Variants in MEF2D observed in about 807,000 individuals in gnomAD.
MEF2D encodes the protein myocyte-specific enhancer factor 2D.
MEF2D carries 10 observed loss-of-function variants against 59.3 expected under a neutral mutation model. The ratio of observed to expected loss-of-function variants is 0.17; its 90% confidence interval spans 0.10 to 0.29. The LOEUF is 0.29. Among genes scored for constraint, MEF2D ranks in the 10% least tolerant of loss-of-function variants. MEF2D has a pLI of 1.00. For synonymous variants in MEF2D, 305 were observed against 295.0 expected (o/e 1.03, Z -0.35); for missense variants, 508 against 699.4 (o/e 0.73, Z 3.09).
At chr1:156,472,809 A>C (rs1671317763) in intron 9 of MEF2D, among the ~76,000 whole-genome samples, 1 of 151,842 alleles carries the variant, frequency 6.6e-6, no homozygotes, top group South Asian at 2.1e-4. Context: ...TCCCAAGTTC[A>C]AGTGATTCTC....
intron 9 of MEF2D, among the ~76,000 whole-genome samples, chr1:156,472,709 C>T (rs1363985959): frequency 6.6e-6 from 1 of 150,812 alleles, no homozygotes; most frequent in Non-Finnish European, 1.5e-5. Flanking sequence ...CCACCACGCC[C>T]GGCTAATTTT....
At chr1:156,493,986 G>A (rs1341132382) in intron 1 of MEF2D, among the ~76,000 whole-genome samples, 5 of 152,162 alleles carry the variant, frequency 3.3e-5, no homozygotes, top group African/African-American at 4.8e-5. Flanking sequence ...CCTGCATAAG[G>A]AGACTCAGCA....
In MEF2D at chr1:156,479,662, C is replaced by A. The variant is rs1282422081; in HGVS notation, c.531G>T (p.Arg177=). The A allele has an allele frequency of 4.5e-6, 7 of 1,551,884 alleles. No homozygotes were observed. The Admixed American group carries it at 9.8e-5, about 22-fold the overall frequency. The change falls in exon 5 of 12, where the codon CGG becomes CGT. Residue 177 remains arginine (R), a synonymous_variant. Transcript: ENST00000348159. ...SLVTSSLTDP[R]LLSPQQPALQ... ...GTGCTGGCTGCTGGGGGGACAGGAG[C>A]CGCGGGTCCGTGAGGGATGATGTCA... is the stretch of plus-strand genomic sequence containing the variant.
intron 2 of MEF2D, 34 bp from the exon 3 acceptor site, chr1:156,482,674 G>A: frequency 6.2e-7 from 1 of 1,605,178 alleles, no homozygotes; most frequent in Non-Finnish European, 8.5e-7. Context: ...GCCAGATCTG[G>A]CTCAGTTAAG....
chr1:156,477,163 A>T lies in MEF2D; in HGVS notation c.704T>A (p.Leu235His). The part of the protein sequence containing the change: ...YVSARASPGL[L>H]PVANGNSLNK... The stretch of plus-strand genomic sequence containing the variant: ...TAGGCTGTTGCCATTGGCCACAGGG[A>T]GGAGGCCAGGGGAAGCCCGAGCACT... The change falls in exon 7 of 12, where the codon CTC (leucine) becomes CAC (histidine). Residue 235 changes from leucine to histidine, a missense_variant. Physicochemically the swap from Leu to His is moderately conservative, Grantham distance 99 (BLOSUM62 -3). This residue lies in a region of MEF2D where 481 missense variants were observed against 584.7 expected (regional missense o/e 0.82). Coordinates refer to ENST00000348159, the MANE Select transcript of MEF2D (RefSeq NM_005920.4). 6.2e-7 allele frequency: 1 copy of T among 1,613,106 alleles called. No individual in the cohort carries two copies. Among genetic ancestry groups the T allele is most frequent in the Non-Finnish European group, 8.5e-7 (1 of 1,179,382 alleles).
chr1:156,477,389 C>T (rs1158982357), intron 6 of MEF2D, among the ~76,000 whole-genome samples, 187 bp from the exon 7 acceptor site: 1 of 152,082 alleles, frequency 6.6e-6, no homozygotes, highest in Non-Finnish European at 1.5e-5. Context: ...GAGGCAAGTA[C>T]CCCTTACTCC....
At chr1:156,474,972 T>C in intron 9 of MEF2D, 136 bp downstream of exon 9, 1 of 1,253,284 alleles carries the variant, frequency 8.0e-7, no homozygotes, top group Admixed American at 2.4e-5. Context: ...CTGTTAACCA[T>C]AAGTAGGTGG....
chr1:156,497,202 C>T (rs907628728), intron 1 of MEF2D, among the ~76,000 whole-genome samples: 13 of 152,240 alleles, frequency 8.5e-5, no homozygotes, highest in Non-Finnish European at 1.3e-4. Context: ...AGTACCTAAC[C>T]GCCCCTCCCT....
At position 156,470,783 on chromosome 1, in the gene MEF2D, G is replaced by A. The variant is rs1488242848; in HGVS notation, c.1007-1763C>T. On this transcript the variant is annotated intron_variant, in intron 9 of 11. Transcript: ENST00000348159. ...CAAGTTAATACACAAAAAGCATGTA[G>A]AACAGTATCTGGTTCATAGAAAATA... Among the ~76,000 whole-genome samples, 4 of 152,152 alleles carry A rather than the reference G, an allele frequency of 2.6e-5. No individual in the cohort carries two copies. In the East Asian group the frequency reaches 5.8e-4, roughly 22 times the overall value.
At chr1:156,482,979 C>T (rs1672118024) in intron 2 of MEF2D, among the ~76,000 whole-genome samples, 1 of 152,200 alleles carries the variant, frequency 6.6e-6, no homozygotes, top group Non-Finnish European at 1.5e-5. Context: ...GGGGTATGAC[C>T]TAAGGCTTGC....
chr1:156,488,063 A>G (rs960642361), intron 1 of MEF2D, among the ~76,000 whole-genome samples: 2 of 152,184 alleles, frequency 1.3e-5, no homozygotes, highest in South Asian at 4.1e-4. Flanking sequence ...GACAGTATCT[A>G]TGTCACCAAA....
At chr1:156,490,171 C>T (rs965023091) in intron 1 of MEF2D, among the ~76,000 whole-genome samples, 5 of 152,132 alleles carry the variant, frequency 3.3e-5, no homozygotes, top group Non-Finnish European at 7.4e-5. Context: ...CCACACACAG[C>T]CCAATTCTCA....
chr1:156,478,362 A>G (rs1297034530), intron 6 of MEF2D, among the ~76,000 whole-genome samples: 1 of 152,094 alleles, frequency 6.6e-6, no homozygotes, highest in Non-Finnish European at 1.5e-5. Flanking sequence ...TTGCCCTGGA[A>G]GTGTGTGCCT....
chr1:156,476,448 T>C, intron 8 of MEF2D, 46 bp downstream of exon 8: 1 of 1,603,516 alleles, frequency 6.2e-7, no homozygotes, highest in South Asian at 1.1e-5. Flanking sequence ...CGCAGAGCAA[T>C]ACCCAGAATT....
intron 4 of MEF2D, chr1:156,480,556 G>A (rs1189063993): frequency 1.5e-5 from 21 of 1,364,472 alleles, no homozygotes. Flanking sequence ...ATGGCTCAGA[G>A]CGGAGCACCC....
In MEF2D at chr1:156,467,590, C is replaced by T. The variant is rs1019364833; in HGVS notation, c.*55G>A. 6.1e-5 allele frequency: 80 copies of T among 1,307,588 alleles called. No individual in the cohort carries two copies. Among genetic ancestry groups the T allele is most frequent in the African/African-American group, 1.5e-4 (10 of 66,184 alleles). The allele number at this position is 1,307,588 out of a possible 1,614,324, so 81.0% of individuals were successfully genotyped here. ...GGAGCCCGGGGCAGGGAAGGGCGGG[C>T]GGTGAGATTGTCAACTCTTCATCAG... On this transcript the variant is annotated 3_prime_UTR_variant, in exon 12 of 12. Transcript: ENST00000348159.
chr1:156,481,227 G>T (rs1270119498), intron 3 of MEF2D, among the ~76,000 whole-genome samples: 1 of 152,150 alleles, frequency 6.6e-6, no homozygotes, highest in African/African-American at 2.4e-5. Flanking sequence ...GGTGCACTTG[G>T]CAGGGAGACA....
intron 1 of MEF2D, chr1:156,499,532 C>G (rs556964424): frequency 1.4e-4 from 22 of 152,176 alleles, no homozygotes; most frequent in African/African-American, 5.1e-4. Context: ...GGGAGGGGGC[C>G]CCTTTCCCCA....
chr1:156,477,325 T>TG, intron 6 of MEF2D, 123 bp from the exon 7 acceptor site: 1 of 793,434 alleles, frequency 1.3e-6, no homozygotes, highest in African/African-American at 1.7e-5. Flanking sequence ...AGGCTTTGAG[T>TG]GGGGGCTGAG....
Sources: gnomAD v4.1 joint callset for allele counts (sites outside exome capture counted in the v4.1 genomes callset) on GRCh38, gnomAD v4.1.1 for gene constraint, gnomAD v4.1.1 regional missense constraint, MANE v1.5 for transcripts, NCBI Gene and HGNC (gene_info 2026-07-23, HGNC 2026-07-21) for gene names.